ODR4: variants seen among roughly 807,000 people sequenced by gnomAD.
ODR4 encodes protein odr-4 homolog.
Under a neutral mutation model 60.2 loss-of-function variants are expected in ODR4, and 47 were observed. That is an observed-to-expected ratio of 0.78 (90% CI 0.62 to 1.00). The LOEUF (loss-of-function observed/expected upper bound fraction) is 1.00, where lower values mean the gene tolerates loss of function less well. Ranked by LOEUF, ODR4 falls within the 50% of genes least tolerant of loss-of-function variation. ODR4 has a pLI of 0.00. For synonymous variants in ODR4, 178 were observed against 175.5 expected (o/e 1.01, Z -0.11); for missense variants, 488 against 530.8 (o/e 0.92, Z 0.79).
At chr1:186,422,949 G>C (rs1218493945), downstream of ODR4, among the ~76,000 whole-genome samples, 1 of 152,140 alleles carries the variant, frequency 6.6e-6, no homozygotes, top group African/African-American at 2.4e-5. Context: ...GATTGAAAAA[G>C]GGGTCCAAAT....
Position 186,388,514 on chromosome 1 carries a change from C to G in ODR4, c.403C>G (p.Arg135Gly). Residue 135 changes from arginine (R) to glycine (G), a missense_variant, in exon 5 of 14, where the codon CGA (arginine) becomes GGA (glycine). Physicochemically the swap from Arg to Gly is moderately radical, Grantham distance 125. Transcript: ENST00000287859. ...WNFTEEEVSE[R>G]VTLHICASTK... ...TTTCACAGAGGAGGAAGTCTCAGAA[C>G]GAGTGACACTTCACATTTGTGCTTC... The G allele has an allele frequency of 6.4e-7, 1 of 1,563,238 alleles. No individual in the cohort carries two copies. The highest frequency in any genetic ancestry group is 8.7e-7 in the Non-Finnish European group (1 of 1,153,566).
intron 12 of ODR4, among the ~76,000 whole-genome samples, chr1:186,414,008 A>T (rs1283725153): frequency 6.6e-6 from 1 of 152,178 alleles, no homozygotes. Context: ...GGAATGGTTG[A>T]GATCTAGTGT....
At chr1:186,421,800 G>T (rs1391852471), downstream of ODR4, among the ~76,000 whole-genome samples, 1 of 148,560 alleles carries the variant, frequency 6.7e-6, no homozygotes, top group Non-Finnish European at 1.5e-5. Context: ...GGAGGCGAAG[G>T]TTGCAGTGAG....
intron 12 of ODR4, among the ~76,000 whole-genome samples, chr1:186,413,814 T>C (rs573313991): frequency 6.6e-6 from 1 of 152,334 alleles, no homozygotes; most frequent in East Asian, 1.9e-4. Context: ...GTCTTAACAT[T>C]TCATTTTAAG....
At chr1:186,394,874 T>C (rs1056834054) in intron 9 of ODR4, among the ~76,000 whole-genome samples, 1 of 152,216 alleles carries the variant, frequency 6.6e-6, no homozygotes, top group Non-Finnish European at 1.5e-5. Context: ...AGTCTCTGAT[T>C]TTCTACTTTG....
At position 186,389,897 on chromosome 1, in the gene ODR4, C is replaced by T. The variant is rs564820012; in HGVS notation, c.474+273C>T. ...CCACCTCTTGGGCTCGAGGGATCCT[C>T]CCACCTCAGCCTCTTGAGTAGCTGA... is the stretch of plus-strand genomic sequence containing the variant. On this transcript the variant is annotated intron_variant, in intron 6 of 13. Coordinates refer to ENST00000287859, the MANE Select transcript of ODR4 (RefSeq NM_017847.6). Among the ~76,000 whole-genome samples the T allele has an allele frequency of 1.1e-3, 161 of 152,332 alleles. No homozygotes were observed. The Middle Eastern group carries it at 0.014, about 13-fold the overall frequency.
chr1:186,422,948 AG>A (rs1374065240), downstream of ODR4, among the ~76,000 whole-genome samples: 2 of 152,286 alleles, frequency 1.3e-5, no homozygotes, highest in East Asian at 1.9e-4. Context: ...AGATTGAAAA[AG>A]GGGTCCAAAT....
At chr1:186,402,170 A>G (rs1361108491) in intron 11 of ODR4, among the ~76,000 whole-genome samples, 1 of 99,418 alleles carries the variant, frequency 1.0e-5, no homozygotes, top group Non-Finnish European at 2.3e-5. Flanking sequence ...TCAGACAAAT[A>G]ACTTTATAGG....
intron 11 of ODR4, among the ~76,000 whole-genome samples, chr1:186,399,988 T>C (rs1400246385): frequency 3.4e-5 from 5 of 147,364 alleles, no homozygotes; most frequent in African/African-American, 1.3e-4. Context: ...CTTTTTTTTT[T>C]TCTTTTTTTT....
At chr1:186,427,912 G>C in the ODR4 span, among the ~76,000 whole-genome samples, 1 of 152,316 alleles carries the variant, frequency 6.6e-6, no homozygotes, top group South Asian at 2.1e-4. Flanking sequence ...TGAGCATTAA[G>C]TTTCAACAGT....
intron 12 of ODR4, 107 bp downstream of exon 12, chr1:186,406,375 T>TAA (rs1387308621): frequency 1.3e-6 from 1 of 742,298 alleles, no homozygotes; most frequent in African/African-American, 1.8e-5. Flanking sequence ...TAAAGCTAGT[T>TAA]CTGTTTGACA....
intron 1 of ODR4, among the ~76,000 whole-genome samples, chr1:186,378,063 A>G (rs1659862190): frequency 6.8e-6 from 1 of 146,386 alleles, no homozygotes; most frequent in African/African-American, 2.5e-5. Flanking sequence ...AAAAAAAAAA[A>G]GAGCCAGGAA....
chr1:186,379,257 A>C (rs1659922647), intron 1 of ODR4, among the ~76,000 whole-genome samples: 1 of 151,968 alleles, frequency 6.6e-6, no homozygotes, highest in South Asian at 2.1e-4. Context: ...AGCCTGGCCA[A>C]CATGGTGAAA....
chr1:186,410,561 A>C (rs996437866), intron 12 of ODR4, among the ~76,000 whole-genome samples: 1 of 152,240 alleles, frequency 6.6e-6, no homozygotes, highest in Non-Finnish European at 1.5e-5. Context: ...CAGAGAATGT[A>C]GTAAGGTCCT....
rs145574882 is a variant in ODR4, at chr1:186,406,103, G to A, written c.1021G>A (p.Val341Ile). 1,255 of 1,568,776 alleles carry A rather than the reference G, an allele frequency of 8.0e-4. 12 individuals are homozygous for A. The African/African-American group carries it at 0.015, about 19-fold the overall frequency. The change falls in exon 12 of 14, where the codon GTC becomes ATC. Residue 341 changes from valine to isoleucine, a missense_variant. By Grantham distance (29) the Val-to-Ile change is conservative. Transcript: ENST00000287859. ...EKKDSEKEFHVLPYRVFVPLP... is the reference protein window; with the variant it reads ...EKKDSEKEFHILPYRVFVPLP... ...TTTAGATTCTGAAAAAGAGTTCCAC[G>A]TCCTCCCTTATCGAGTCTTTGTTCC...
chr1:186,398,352 A>T lies in ODR4; in HGVS notation c.820A>T (p.Ile274Leu). 2 of 1,610,796 alleles carry T rather than the reference A, an allele frequency of 1.2e-6. No individual in the cohort carries two copies. Among genetic ancestry groups the T allele is most frequent in the Non-Finnish European group, 1.7e-6 (2 of 1,178,166 alleles). Residue 274 changes from isoleucine to leucine, a missense_variant, in exon 10 of 14, where the codon ATA (isoleucine) becomes TTA (leucine). Coordinates refer to ENST00000287859, the MANE Select transcript of ODR4 (RefSeq NM_017847.6). ...SDHRSTATVQ[I>L]CSGSVNLKGA... ...CCACAGATCCACAGCCACAGTCCAG[A>T]TATGTAGCGGTTCTGTAAACCTTAA...
At chr1:186,422,800 C>T (rs915907542), downstream of ODR4, among the ~76,000 whole-genome samples, 2 of 151,760 alleles carry the variant, frequency 1.3e-5, no homozygotes, top group Admixed American at 1.3e-4. Context: ...AAAACAATAG[C>T]GAAAGCAATG....
rs114897475 is a variant in ODR4, at chr1:186,410,315, T to A, written c.1186+4047T>A. 4.0e-3 allele frequency among the ~76,000 whole-genome samples: 606 copies of A among 152,364 alleles called. 2 individuals are homozygous for A. The highest frequency in any genetic ancestry group is 0.014 in the African/African-American group (572 of 41,588). ...TATGGCTCAGTAGTTCAGAACATTTTCAGGAGTTTTGAACATTTAAGACAT... is the reference window on the plus strand; with the variant it reads ...TATGGCTCAGTAGTTCAGAACATTTACAGGAGTTTTGAACATTTAAGACAT... On this transcript the variant is annotated intron_variant, in intron 12 of 13. Coordinates refer to ENST00000287859, the MANE Select transcript of ODR4 (RefSeq NM_017847.6).
intron 8 of ODR4, 139 bp from the exon 9 acceptor site, chr1:186,393,808 C>A (rs1366986141): frequency 1.7e-6 from 1 of 605,572 alleles, no homozygotes; most frequent in Non-Finnish European, 3.0e-6. Context: ...AAAGTAATAT[C>A]TATATAAAAA....
Sources: allele counts gnomAD v4.1 joint callset (sites outside exome capture counted in the v4.1 genomes callset), GRCh38; gene constraint gnomAD v4.1.1; transcripts MANE v1.5; gene names NCBI Gene and HGNC (gene_info 2026-07-23, HGNC 2026-07-21).